ROBO2: variants seen among roughly 807,000 people sequenced by gnomAD.
ROBO2 encodes the protein roundabout guidance receptor 2, also known as roundabout homolog 2.
Under a neutral mutation model 160.8 loss-of-function variants are expected in ROBO2, and 53 were observed. The observed-to-expected ratio is 0.33, with a 90% confidence interval of 0.26 to 0.41. The LOEUF is 0.41. ROBO2 is among the 10% of genes least tolerant of loss of function. The pLI, the probability that ROBO2 is intolerant of heterozygous loss-of-function variation, is 1.00. For synonymous variants in ROBO2, 664 were observed against 611.7 expected (o/e 1.09, Z -1.26); for missense variants, 1,577 against 1,722.4 (o/e 0.92, Z 1.49).
At chr3:76,551,536 A>G (rs895421571) in intron 2 of ROBO2, among the ~76,000 whole-genome samples, 38 of 151,802 alleles carry the variant, frequency 2.5e-4, no homozygotes, top group African/African-American at 9.2e-4. Flanking sequence ...CACGCCCCCC[A>G]CCCTACTCAC....
intron 2 of ROBO2, among the ~76,000 whole-genome samples, chr3:76,538,447 T>C (rs2082634700): frequency 6.6e-6 from 1 of 152,204 alleles, no homozygotes; most frequent in African/African-American, 2.4e-5. Context: ...AGTTAGGATA[T>C]TAATCATTTA....
At chr3:77,564,843 T>C in intron 11 of ROBO2, 111 bp from the exon 13 acceptor site, 1 of 844,626 alleles carries the variant, frequency 1.2e-6, no homozygotes, top group Non-Finnish European at 2.0e-6. Context: ...GTGTTGTGTG[T>C]GTGTGTGTGT....
At chr3:76,950,331 C>A (rs976494290) in intron 2 of ROBO2, among the ~76,000 whole-genome samples, 5 of 152,178 alleles carry the variant, frequency 3.3e-5, no homozygotes, top group African/African-American at 4.8e-5. Context: ...TTTCTTCTTT[C>A]TCTAACAGAA....
chr3:76,105,825 G>T (rs1280877379), intron 2 of ROBO2, among the ~76,000 whole-genome samples: 1 of 151,786 alleles, frequency 6.6e-6, no homozygotes, highest in Non-Finnish European at 1.5e-5. Flanking sequence ...TGGATCAAAG[G>T]ATTTTCAGCA....
chr3:76,182,483 G>A (rs1436016881), intron 2 of ROBO2, among the ~76,000 whole-genome samples: 2 of 152,118 alleles, frequency 1.3e-5, no homozygotes, highest in Non-Finnish European at 1.5e-5. Flanking sequence ...GGATTAGGTT[G>A]TGTTACCCTA....
intron 2 of ROBO2, among the ~76,000 whole-genome samples, chr3:76,444,825 C>CT (rs1486355764): frequency 6.6e-6 from 1 of 152,084 alleles, no homozygotes; most frequent in Admixed American, 6.6e-5. Context: ...GTTTTTACCG[C>CT]TTTTTTACTC....
intron 2 of ROBO2, among the ~76,000 whole-genome samples, chr3:76,503,338 C>G (rs1195084225): frequency 6.6e-6 from 1 of 152,110 alleles, no homozygotes; most frequent in African/African-American, 2.4e-5. Flanking sequence ...ATGTTAATCT[C>G]TTTTGGCAAC....
chr3:77,026,340 A>G (rs2062963081), intron 2 of ROBO2, among the ~76,000 whole-genome samples: 1 of 152,238 alleles, frequency 6.6e-6, no homozygotes, highest in Non-Finnish European at 1.5e-5. Flanking sequence ...TCTATGAAAT[A>G]TAGTAGATGA....
chr3:76,613,534 C>T (rs945556116), intron 2 of ROBO2, among the ~76,000 whole-genome samples: 3 of 151,912 alleles, frequency 2.0e-5, no homozygotes, highest in Admixed American at 1.3e-4. Context: ...TATCAATATT[C>T]ATTTAATTGT....
intron 2 of ROBO2, among the ~76,000 whole-genome samples, chr3:76,307,329 C>T (rs2071378614): frequency 6.6e-6 from 1 of 152,242 alleles, no homozygotes; most frequent in Non-Finnish European, 1.5e-5. Context: ...CACTGAACTT[C>T]ACTTTAATAT....
chr3:76,228,173 C>A (rs950285639), intron 2 of ROBO2, among the ~76,000 whole-genome samples: 1 of 152,092 alleles, frequency 6.6e-6, no homozygotes, highest in African/African-American at 2.4e-5. Flanking sequence ...CCAAAGGATT[C>A]TCCATAATAT....
At chr3:76,424,886 G>A (rs566000437) in intron 2 of ROBO2, among the ~76,000 whole-genome samples, 60 of 152,154 alleles carry the variant, frequency 3.9e-4, no homozygotes, top group African/African-American at 1.4e-3. Context: ...GTCCAAAGGC[G>A]TGCATGGCAC....
chr3:77,443,594 A>G (rs2153555983), intron 2 of ROBO2, among the ~76,000 whole-genome samples: 1 of 152,316 alleles, frequency 6.6e-6, no homozygotes, highest in Non-Finnish European at 1.5e-5. Flanking sequence ...CTAAAATTGC[A>G]TTTTATAAAA....
chr3:76,102,426 C>A (rs1429418895), intron 2 of ROBO2, among the ~76,000 whole-genome samples: 4 of 152,060 alleles, frequency 2.6e-5, no homozygotes, highest in African/African-American at 9.7e-5. Flanking sequence ...AAAAATAATA[C>A]CTGTACTTGA....
intron 6 of ROBO2, among the ~76,000 whole-genome samples, chr3:77,523,878 C>T (rs1454498683): frequency 2.0e-5 from 3 of 151,310 alleles, no homozygotes; most frequent in African/African-American, 7.3e-5. Context: ...TTTAGTCATA[C>T]CTCTGACCCT....
intron 2 of ROBO2, among the ~76,000 whole-genome samples, chr3:76,122,949 G>T (rs1850279): frequency 3.9e-5 from 6 of 152,144 alleles, no homozygotes; most frequent in South Asian, 4.1e-4. Flanking sequence ...GGGTTTCACC[G>T]TGTTAGCCAG....
At chr3:76,138,920 A>C (rs2071528261) in intron 2 of ROBO2, among the ~76,000 whole-genome samples, 1 of 152,128 alleles carries the variant, frequency 6.6e-6, no homozygotes, top group Non-Finnish European at 1.5e-5. Flanking sequence ...CCTTTATCTG[A>C]TCAATGGTAT....
chr3:77,504,794 G>A (rs546212423), intron 5 of ROBO2, among the ~76,000 whole-genome samples: 2 of 152,142 alleles, frequency 1.3e-5, no homozygotes, highest in Non-Finnish European at 2.9e-5. Flanking sequence ...TGTGAGATAT[G>A]CATAACATTA....
At chr3:77,443,379 T>A (rs1032982302) in intron 2 of ROBO2, among the ~76,000 whole-genome samples, 47 of 152,236 alleles carry the variant, frequency 3.1e-4, no homozygotes, top group African/African-American at 1.1e-3. Context: ...AATCTTAAAT[T>A]TCCAGTGTGG....
Sources: allele counts gnomAD v4.1 joint callset (sites outside exome capture counted in the v4.1 genomes callset), GRCh38; gene constraint gnomAD v4.1.1; transcripts MANE v1.5; gene names NCBI Gene and HGNC (gene_info 2026-07-23, HGNC 2026-07-21).